Variants in KCP observed in about 807,000 individuals in gnomAD.
The protein encoded by KCP is kielin cysteine rich BMP regulator.
A neutral mutation model predicts 212.7 loss-of-function variants in KCP; 194 were observed. The ratio of observed to expected loss-of-function variants is 0.91; its 90% CI spans 0.81 to 1.03. KCP has a LOEUF of 1.03. KCP is among the 50% of genes least tolerant of loss of function. The pLI is 0.00. For synonymous variants in KCP, 833 were observed against 865.3 expected (o/e 0.96, Z 0.65); for missense variants, 2,080 against 2,162.5 (o/e 0.96, Z 0.76).
At position 128,884,126 on chromosome 7, in the gene KCP, C is replaced by G; in HGVS notation, c.3124-4G>C. The G allele has an allele frequency of 1.3e-6, 2 of 1,542,560 alleles. No homozygotes were observed. Among genetic ancestry groups the G allele is most frequent in the Non-Finnish European group, 1.7e-6 (2 of 1,144,746 alleles). On this transcript the variant is annotated splice_polypyrimidine_tract_variant and splice_region_variant and intron_variant, in intron 28 of 39. Transcript: ENST00000610776. ...TGGGAGGCCCCTCAGGCTGTGGCTA[C>G]AAGAATGAGTGAGCAGCGGTGGGTC...
Position 128,878,036 on chromosome 7 carries a change from G to A in KCP, c.4312-246C>T, listed in dbSNP as rs541008872. ...AGTGAGTGGCAAAGCAAGGCTTGAG[G>A]GTTCAGGTAACAAGCCTTCTTTTTT... On this transcript the variant is annotated intron_variant, in intron 38 of 39. Transcript: ENST00000610776. 2.2e-4 allele frequency among the ~76,000 whole-genome samples: 33 copies of A among 152,004 alleles called. No homozygotes were observed. The South Asian group carries it at 3.5e-3, about 16-fold the overall frequency.
chr7:128,885,370 A>C, intron 26 of KCP, 100 bp from the exon 27 acceptor site: 2 of 1,262,070 alleles, frequency 1.6e-6, no homozygotes, highest in Non-Finnish European at 2.2e-6. Context: ...TGGCGCCAGG[A>C]GTGAGTTTGC....
At chr7:128,890,126 C>T in intron 21 of KCP, 2 of 735,838 alleles carry the variant, frequency 2.7e-6, no homozygotes, top group Non-Finnish European at 4.4e-6. Context: ...CTCTATGTTG[C>T]CCAGGCTGGT....
chr7:128,877,879 AT>A, intron 38 of KCP, 89 bp from the exon 39 acceptor site: 2 of 1,225,862 alleles, frequency 1.6e-6, no homozygotes, highest in Non-Finnish European at 2.2e-6. Flanking sequence ...CCACCCAGTC[AT>A]TTGCTTTAGT....
At position 128,890,913 on chromosome 7, in the gene KCP, G is replaced by A. The variant is rs1794075633; in HGVS notation, c.2156C>T (p.Ser719Phe). 1 of 1,247,092 alleles carries A rather than the reference G, an allele frequency of 8.0e-7. No individual in the cohort carries two copies. The highest frequency in any genetic ancestry group is 1.0e-6 in the Non-Finnish European group (1 of 1,000,738). 77.3% of individuals were successfully genotyped at this position (1,247,092 alleles called of 1,614,324 possible). A position where few individuals can be genotyped will look rare whatever the true frequency, so the allele number is the denominator to read the frequency against. The change falls in exon 20 of 40, where the codon TCC becomes TTC. Residue 719 changes from serine to phenylalanine, a missense_variant. Physicochemically the swap from Ser to Phe is radical, Grantham distance 155. Transcript: ENST00000610776. ...CACCGCCAGGGCGTTACCGTCGCAG[G>A]AGGGGCAGCAAGGCCCCTGGCGCGG... is the stretch of plus-strand genomic sequence containing the variant. ...AHPRQGPCCP[S>F]CDGCLYQGKE... is the part of the protein sequence containing the mutation.
Position 128,891,435 on chromosome 7 carries a change from C to A in KCP, c.1878+16G>T. On this transcript the variant is annotated intron_variant, in intron 18 of 39. Coordinates refer to ENST00000610776, the MANE Select transcript of KCP (RefSeq NM_001366122.1). ...CTCCACTCCCCTGGGCGCCTCCCAC[C>A]CAGGTGCAGACTCACCAGACAGCGA... The A allele has an allele frequency of 6.5e-7, 1 of 1,550,104 alleles. No homozygotes were observed. Among genetic ancestry groups the A allele is most frequent in the Non-Finnish European group, 8.7e-7 (1 of 1,146,510 alleles).
In KCP at chr7:128,908,611, C is replaced by A. The variant is rs764040798; in HGVS notation, c.77-43G>T. ...CCCATGTGGGCCTGAGGGTGAGGGG[C>A]TGGCCTGGCCACATTTTCTGGGTTC... On this transcript the variant is annotated intron_variant, in intron 1 of 39. Transcript: ENST00000610776. 146 of 1,525,402 alleles carry A rather than the reference C, an allele frequency of 9.6e-5. No individual in the cohort carries two copies. The African/African-American group carries it at 1.9e-3, about 19-fold the overall frequency. 94.5% of individuals were successfully genotyped at this position (1,525,402 alleles called of 1,614,324 possible).
rs777546372 is a variant in KCP at position 128,893,034 on chromosome 7, G to T, written c.1268-13C>A. On this transcript the variant is annotated splice_polypyrimidine_tract_variant and intron_variant, in intron 13 of 39. Coordinates refer to ENST00000610776, the MANE Select transcript of KCP (RefSeq NM_001366122.1). Reference sequence around the variant, plus strand: ...TCCAGCTCACAGGCTGTAGTAAGGGGGCTGTCACATGGCAGCCTACACACC... The same window carrying T: ...TCCAGCTCACAGGCTGTAGTAAGGGTGCTGTCACATGGCAGCCTACACACC... 1.2e-5 allele frequency: 11 copies of T among 893,536 alleles called. No homozygotes were observed. In the South Asian group the frequency reaches 1.5e-4, roughly 13 times the overall value. The allele number at this position is 893,536 out of a possible 1,614,324, so 55.4% of individuals were successfully genotyped here.
intron 23 of KCP, 114 bp from the exon 24 acceptor site, chr7:128,887,080 G>A: frequency 3.8e-6 from 4 of 1,047,992 alleles, no homozygotes; most frequent in African/African-American, 1.6e-5. Flanking sequence ...GGACACCTGA[G>A]CCCAGTCCTG....
chr7:128,906,952 A>T, intron 4 of KCP, 149 bp downstream of exon 4: 1 of 760,164 alleles, frequency 1.3e-6, no homozygotes, highest in African/African-American at 1.8e-5. Context: ...TCCTTTTCCT[A>T]CTCGGAATCA....
chr7:128,885,629 A>G (rs1793604046), intron 26 of KCP, among the ~76,000 whole-genome samples: 1 of 144,502 alleles, frequency 6.9e-6, no homozygotes, highest in South Asian at 2.2e-4. Flanking sequence ...TGCCCAAGGT[A>G]ACTCAGTCTC....
rs552753123 is a variant in KCP at position 128,878,804 on chromosome 7, T to A, written c.4147-82A>T. ...CAGGGTCCATCATGGCCCCAGGCAC[T>A]GTGTTCAGTGCGGCCAGTGCTGTAG... On this transcript the variant is annotated intron_variant, in intron 37 of 39. Transcript: ENST00000610776. 3 of 1,378,076 alleles carry A rather than the reference T, an allele frequency of 2.2e-6. No individual in the cohort carries two copies. The African/African-American group carries it at 4.3e-5, about 20-fold the overall frequency. The allele number at this position is 1,378,076 out of a possible 1,614,324, so 85.4% of individuals were successfully genotyped here.
At chr7:128,906,800 T>C (rs1795141407) in intron 4 of KCP, among the ~76,000 whole-genome samples, 1 of 151,206 alleles carries the variant, frequency 6.6e-6, no homozygotes, top group South Asian at 2.1e-4. Flanking sequence ...CAAAAGTAAT[T>C]GCGGTTTTTG....
chr7:128,890,728 G>A (rs2128947159), intron 20 of KCP, among the ~76,000 whole-genome samples, 177 bp downstream of exon 20: 1 of 151,870 alleles, frequency 6.6e-6, no homozygotes, highest in South Asian at 2.1e-4. Context: ...GGGGGCCGTG[G>A]GGGATGGAGG....
chr7:128,893,812 A>G lies in KCP; in HGVS notation c.1093T>C (p.Cys365Arg). The change falls in exon 11 of 40, where the codon TGC becomes CGC. Residue 365 changes from cysteine (C) to arginine (R), a missense_variant. Physicochemically the swap from Cys to Arg is radical, Grantham distance 180 (BLOSUM62 -3). Transcript: ENST00000610776. ...GACCCCGGCCCCCACTCACCATCGC[A>G]GACAGGGCAGCACTGCCCAGGGATC... ...GKIPGQCCPV[C>R]DGCEYQGHQY... 1.3e-6 allele frequency: 2 copies of G among 1,550,780 alleles called. No homozygotes were observed.
chr7:128,886,179 C>T (rs553319644), intron 26 of KCP, among the ~76,000 whole-genome samples: 16 of 152,194 alleles, frequency 1.1e-4, no homozygotes, highest in Non-Finnish European at 1.9e-4. Flanking sequence ...GTGATCCTCC[C>T]ACCTTGGCCT....
In KCP at chr7:128,901,402, G is replaced by A. The variant is rs527937035; in HGVS notation, c.831+1375C>T. Among the ~76,000 whole-genome samples the A allele has an allele frequency of 2.6e-5, 4 of 152,244 alleles. No homozygotes were observed. The South Asian group carries it at 6.2e-4, about 24-fold the overall frequency. On this transcript the variant is annotated intron_variant, in intron 8 of 39. Transcript: ENST00000610776. ...AGCACTGTGGGAGGCAGAGGGGGGCGGATCACGAGGTCAGGAGATCGAGAC... is the reference window on the plus strand; with the variant it reads ...AGCACTGTGGGAGGCAGAGGGGGGCAGATCACGAGGTCAGGAGATCGAGAC...
intron 8 of KCP, among the ~76,000 whole-genome samples, chr7:128,900,806 A>C (rs1794800659): frequency 6.6e-6 from 1 of 152,238 alleles, no homozygotes; most frequent in Admixed American, 6.5e-5. Context: ...TTCAGCCTGA[A>C]GAAATTACAA....
intron 39 of KCP, 51 bp from the exon 40 acceptor site, chr7:128,877,362 G>C: frequency 6.6e-7 from 1 of 1,526,210 alleles, no homozygotes. Context: ...AACTGCCCCA[G>C]TTGCTGTGCG....
Sources: allele counts gnomAD v4.1 joint callset (sites outside exome capture counted in the v4.1 genomes callset), GRCh38; gene constraint gnomAD v4.1.1; transcripts MANE v1.5; gene names NCBI Gene and HGNC (gene_info 2026-07-23, HGNC 2026-07-21).